DISP1: variants seen among roughly 807,000 people sequenced by gnomAD.
DISP1 encodes dispatched RND transporter family member 1.
DISP1 carries 30 observed loss-of-function variants against 37.3 expected under a neutral mutation model. That is an observed-to-expected ratio of 0.80 (90% CI 0.60 to 1.09). The LOEUF (loss-of-function observed/expected upper bound fraction) is 1.09. Among genes scored for constraint, DISP1 ranks in the 50% least tolerant of loss-of-function variants. DISP1 has a pLI of 0.00. For synonymous variants in DISP1, 634 were observed against 690.2 expected (o/e 0.92, Z 1.28); for missense variants, 1,598 against 1,879.5 (o/e 0.85, Z 2.77).
At chr1:222,917,556 C>A (rs1353699698) in intron 1 of DISP1, among the ~76,000 whole-genome samples, 1 of 152,138 alleles carries the variant, frequency 6.6e-6, no homozygotes, top group Non-Finnish European at 1.5e-5. Context: ...TTGGCTATTT[C>A]TTTTCTCTTT....
intron 3 of DISP1, among the ~76,000 whole-genome samples, chr1:222,966,587 T>G (rs937010129): frequency 1.3e-5 from 2 of 152,190 alleles, no homozygotes; most frequent in Admixed American, 6.5e-5. Flanking sequence ...TTGGCTGTCT[T>G]TAAAAGGTGA....
chr1:222,847,486 A>G (rs1479794355), intron 1 of DISP1, among the ~76,000 whole-genome samples: 1 of 152,226 alleles, frequency 6.6e-6, no homozygotes, highest in Non-Finnish European at 1.5e-5. Context: ...GTGCATATAC[A>G]CACAGGAATA....
intron 3 of DISP1, among the ~76,000 whole-genome samples, chr1:222,979,017 T>A (rs1425454094): frequency 6.6e-6 from 1 of 152,070 alleles, no homozygotes; most frequent in African/African-American, 2.4e-5. Flanking sequence ...CTTTTTTGGT[T>A]CCATATGAAC....
intron 1 of DISP1, among the ~76,000 whole-genome samples, chr1:222,822,928 CCT>C (rs1663310318): frequency 1.3e-5 from 2 of 152,284 alleles, no homozygotes; most frequent in South Asian, 4.1e-4. Context: ...TGTCCCTTAA[CCT>C]CTCTCCCAAA....
chr1:222,978,660 C>T (rs1183970400), intron 3 of DISP1, among the ~76,000 whole-genome samples: 1 of 152,110 alleles, frequency 6.6e-6, no homozygotes, highest in Non-Finnish European at 1.5e-5. Context: ...TTAGGTCTAA[C>T]ATTTAAGTCT....
At chr1:222,936,010 A>G (rs138587075) in intron 2 of DISP1, among the ~76,000 whole-genome samples, 5 of 152,284 alleles carry the variant, frequency 3.3e-5, no homozygotes, top group African/African-American at 7.2e-5. Flanking sequence ...AAAAATTCCT[A>G]TGGCCTAGCC....
chr1:222,971,412 T>TG (rs1261519805), intron 3 of DISP1, among the ~76,000 whole-genome samples: 1 of 150,614 alleles, frequency 6.6e-6, no homozygotes, highest in Non-Finnish European at 1.5e-5. Flanking sequence ...CCCCCCAAGT[T>TG]TTTTTTTTTC....
chr1:222,988,704 A>G (rs1397211557), intron 4 of DISP1, among the ~76,000 whole-genome samples: 1 of 134,690 alleles, frequency 7.4e-6, no homozygotes, highest in Admixed American at 8.6e-5. Context: ...CCCAGGCTGG[A>G]GTGCAGTGAT....
At chr1:222,816,609 G>T (rs1032199190) in intron 1 of DISP1, among the ~76,000 whole-genome samples, 5 of 152,158 alleles carry the variant, frequency 3.3e-5, no homozygotes, top group Admixed American at 3.3e-4. Context: ...TATTGGTACT[G>T]CGATATCTTG....
chr1:222,817,070 T>C (rs953483298), intron 1 of DISP1, among the ~76,000 whole-genome samples: 1 of 152,216 alleles, frequency 6.6e-6, no homozygotes, highest in African/African-American at 2.4e-5. Context: ...GCTATATATA[T>C]GAATGGTATG....
intron 3 of DISP1, among the ~76,000 whole-genome samples, chr1:222,969,370 C>A (rs1188182667): frequency 3.5e-3 from 104 of 29,848 alleles, no homozygotes; most frequent in East Asian, 8.2e-3. Context: ...AACTTGGTCT[C>A]AAAAAAAAAA....
At chr1:222,953,246 G>C (rs1244055090) in intron 3 of DISP1, among the ~76,000 whole-genome samples, 1 of 152,134 alleles carries the variant, frequency 6.6e-6, no homozygotes, top group Non-Finnish European at 1.5e-5. Context: ...CACAGTGCCT[G>C]TTACCAAATT....
At chr1:222,997,691 G>C (rs886529957) in intron 8 of DISP1, among the ~76,000 whole-genome samples, 2 of 152,170 alleles carry the variant, frequency 1.3e-5, no homozygotes, top group African/African-American at 4.8e-5. Flanking sequence ...ATAAGGATAG[G>C]ACAGCTGTGA....
chr1:222,965,377 A>G (rs1258347203), intron 3 of DISP1, among the ~76,000 whole-genome samples: 1 of 152,170 alleles, frequency 6.6e-6, no homozygotes, highest in African/African-American at 2.4e-5. Flanking sequence ...TATTTTAAAT[A>G]TATTATTATA....
chr1:222,951,979 T>C (rs1675258502), intron 3 of DISP1, among the ~76,000 whole-genome samples: 1 of 152,218 alleles, frequency 6.6e-6, no homozygotes, highest in African/African-American at 2.4e-5. Flanking sequence ...TATAAAGTTT[T>C]AATAGTAAAA....
At chr1:222,894,388 C>G (rs1321834335) in intron 1 of DISP1, among the ~76,000 whole-genome samples, 1 of 152,206 alleles carries the variant, frequency 6.6e-6, no homozygotes, top group Non-Finnish European at 1.5e-5. Context: ...CCCTCGGGCT[C>G]CCTCCCATAC....
At chr1:222,956,595 T>C (rs1675614251) in intron 3 of DISP1, among the ~76,000 whole-genome samples, 1 of 152,246 alleles carries the variant, frequency 6.6e-6, no homozygotes, top group South Asian at 2.1e-4. Context: ...CCCTAATGCA[T>C]AGGGTGAAAC....
intron 7 of DISP1, among the ~76,000 whole-genome samples, chr1:222,993,093 C>T (rs114598626): frequency 0.012 from 1,765 of 151,936 alleles, 40 homozygotes; most frequent in African/African-American, 0.039. Flanking sequence ...CTCGAACTCC[C>T]GAACTTAGGT....
At chr1:222,971,471 G>A (rs1016760344) in intron 3 of DISP1, among the ~76,000 whole-genome samples, 6 of 150,320 alleles carry the variant, frequency 4.0e-5, no homozygotes, top group Non-Finnish European at 8.9e-5. Flanking sequence ...GTATGATACC[G>A]AATAATTCTG....
Sources: allele counts gnomAD v4.1 joint callset (sites outside exome capture counted in the v4.1 genomes callset), GRCh38; gene constraint gnomAD v4.1.1; transcripts MANE v1.5; gene names NCBI Gene and HGNC (gene_info 2026-07-23, HGNC 2026-07-21).